The following SLC30A9 variants were observed in gnomAD, a reference collection of about 807,000 sequenced individuals.
The protein encoded by SLC30A9 is solute carrier family 30 member 9.
Under a neutral mutation model 87.5 loss-of-function variants are expected in SLC30A9, and 58 were observed. That is an observed-to-expected ratio of 0.66 (90% CI 0.54 to 0.82). SLC30A9 has a LOEUF of 0.82. Among genes scored for constraint, SLC30A9 ranks in the 40% least tolerant of loss-of-function variants. SLC30A9 has a pLI of 0.00. For missense variants in SLC30A9, 557 were observed against 679.1 expected, an observed-to-expected ratio of 0.82 and a Z score of 2.00; for synonymous variants, 234 against 233.0, an observed-to-expected ratio of 1.00 and a Z score of -0.04.
At position 42,001,710 on chromosome 4, in the gene SLC30A9, C is replaced by G. The variant is rs201852516; in HGVS notation, c.204C>G (p.Ser68=). The stretch of plus-strand genomic sequence containing the variant: ...CCCTGAGTCAAGTAAAGTTGTACTC[C>G]ACAAATGTTCAGAAAGAAGGACAGG... ...IGTLSQVKLY[S]TNVQKEGQGS... The change falls in exon 2 of 18, where the codon TCC becomes TCG. Residue 68 remains serine, a synonymous_variant. Transcript: ENST00000264451. 2.5e-3 allele frequency: 4,012 copies of G among 1,610,902 alleles called. 131 individuals are homozygous for G. The South Asian group carries it at 0.041, about 17-fold the overall frequency.
chr4:42,015,130 C>T (rs1471612895), intron 2 of SLC30A9, among the ~76,000 whole-genome samples: 2 of 152,124 alleles, frequency 1.3e-5, no homozygotes, highest in Admixed American at 1.3e-4. Flanking sequence ...ATGATTATTA[C>T]ACTTTGTATG....
In SLC30A9 at chr4:42,088,240, G is replaced by A. The variant is rs1488779766; in HGVS notation, c.*2114G>A. On this transcript the variant is annotated 3_prime_UTR_variant, in exon 18 of 18. Transcript: ENST00000264451. ...ATCAGGAAATTTTTCTAGAGTCACT[G>A]AATTTTCAAATCAGAGAATTTGGGC... The A allele has an allele frequency of 6.6e-6, 1 of 152,100 alleles. No homozygotes were observed. Among genetic ancestry groups the A allele is most frequent in the Admixed American group, 6.5e-5 (1 of 15,268 alleles). The allele number at this position is 152,100 out of a possible 1,614,324, so 9.4% of individuals were successfully genotyped here. A position where few individuals can be genotyped will look rare whatever the true frequency, so the allele number is the denominator to read the frequency against.
At chr4:42,057,494 A>C (rs9991690) in intron 9 of SLC30A9, among the ~76,000 whole-genome samples, 1 of 151,942 alleles carries the variant, frequency 6.6e-6, no homozygotes. Flanking sequence ...GCCCCTTTTA[A>C]TCACAGCTGG....
At position 41,990,705 on chromosome 4, in the gene SLC30A9, G is replaced by C. The variant is rs1172092751; in HGVS notation, c.54G>C (p.Leu18=). 1 of 1,612,342 alleles carries C rather than the reference G, an allele frequency of 6.2e-7. No homozygotes were observed. The highest frequency in any genetic ancestry group is 8.5e-7 in the Non-Finnish European group (1 of 1,179,446). ...CCCACAGATGTAGCTGGTCCTCCCT[G>C]TGCCGGCTCCGTCTGCGATGCAGGG... ...AAAHRCSWSS[L]CRLRLRCRAA... The change falls in exon 1 of 18, where the codon CTG becomes CTC. Residue 18 remains leucine (L), a synonymous_variant. Transcript: ENST00000264451.
Position 41,998,762 on chromosome 4 carries a change from G to A in SLC30A9, c.110-2854G>A, listed in dbSNP as rs569510710. On this transcript the variant is annotated intron_variant, in intron 1 of 17. Transcript: ENST00000264451. ...TACAGGCATGAGCCATGCACCCTGC[G>A]GAATTCAGTAATTCTTTAACCAGTG... Among the ~76,000 whole-genome samples the A allele has an allele frequency of 1.7e-4, 26 of 152,016 alleles. 1 individual carries two copies. Among genetic ancestry groups the A allele is most frequent in the African/African-American group, 5.8e-4 (24 of 41,498 alleles).
chr4:41,996,964 G>A (rs1481404252), intron 1 of SLC30A9, among the ~76,000 whole-genome samples: 2 of 152,012 alleles, frequency 1.3e-5, no homozygotes, highest in Non-Finnish European at 1.5e-5. Flanking sequence ...AACCCGGGAG[G>A]TAGAGGTTGC....
At chr4:42,038,393 G>A (rs774903019) in intron 7 of SLC30A9, among the ~76,000 whole-genome samples, 7 of 151,766 alleles carry the variant, frequency 4.6e-5, no homozygotes, top group Non-Finnish European at 7.4e-5. Context: ...ATTTTTCACC[G>A]TAAGCAGCAT....
intron 1 of SLC30A9, among the ~76,000 whole-genome samples, chr4:41,992,339 C>CA (rs1210017224): frequency 1.6e-3 from 179 of 115,208 alleles, no homozygotes; most frequent in African/African-American, 1.6e-3. Context: ...AGACCTGTCT[C>CA]AAAAAAAAAA....
chr4:41,994,829 A>G (rs1159440495), intron 1 of SLC30A9, among the ~76,000 whole-genome samples: 2 of 28,762 alleles, frequency 7.0e-5, no homozygotes, highest in Non-Finnish European at 5.5e-4. Flanking sequence ...TGTGGTCTCA[A>G]AAAAAAAAAA....
At chr4:42,041,941 G>A (rs550186381) in intron 8 of SLC30A9, among the ~76,000 whole-genome samples, 5 of 152,286 alleles carry the variant, frequency 3.3e-5, no homozygotes, top group Admixed American at 1.3e-4. Flanking sequence ...TTGCCTCACC[G>A]GGGTAGTGCA....
intron 8 of SLC30A9, among the ~76,000 whole-genome samples, chr4:42,048,963 ATTG>A (rs906569484): frequency 7.3e-5 from 11 of 151,362 alleles, no homozygotes; most frequent in East Asian, 3.9e-4. Context: ...TTTTTTTGTT[ATTG>A]TTGTTGTTGT....
At chr4:42,031,916 A>T (rs1440856653) in intron 6 of SLC30A9, among the ~76,000 whole-genome samples, 13 of 152,208 alleles carry the variant, frequency 8.5e-5, no homozygotes, top group Non-Finnish European at 1.9e-4. Context: ...TATTGCTATA[A>T]AGAAATACCT....
intron 8 of SLC30A9, among the ~76,000 whole-genome samples, chr4:42,039,565 C>A (rs1267669961): frequency 2.0e-5 from 3 of 151,688 alleles, no homozygotes; most frequent in Non-Finnish European, 4.4e-5. Flanking sequence ...CGGGTTCAAG[C>A]CATTCTCCTG....
At chr4:42,011,657 C>A (rs1715451833) in intron 2 of SLC30A9, among the ~76,000 whole-genome samples, 1 of 152,084 alleles carries the variant, frequency 6.6e-6, no homozygotes, top group Non-Finnish European at 1.5e-5. Flanking sequence ...CTACGAAAGC[C>A]AATAGAATCA....
intron 2 of SLC30A9, among the ~76,000 whole-genome samples, chr4:42,011,678 A>AT (rs1447945599): frequency 1.3e-5 from 2 of 152,230 alleles, no homozygotes. Context: ...ATAAATGTGA[A>AT]TTAATTCCAG....
At chr4:42,005,591 C>T (rs1034038710) in intron 2 of SLC30A9, among the ~76,000 whole-genome samples, 1 of 152,126 alleles carries the variant, frequency 6.6e-6, no homozygotes, top group Non-Finnish European at 1.5e-5. Context: ...CTTCCATGCC[C>T]GTTGTAGCTC....
rs1235764180 is a variant in SLC30A9 at position 42,044,317 on chromosome 4, C to A, written c.738-5060C>A. On this transcript the variant is annotated intron_variant, in intron 8 of 17. Coordinates refer to ENST00000264451, the MANE Select transcript of SLC30A9 (RefSeq NM_006345.4). Reference sequence around the variant, plus strand: ...GGTGTGCTGCATGCAGGAGACCCATCTGACGTGCAAAGACACACATAGGCT... The same window carrying A: ...GGTGTGCTGCATGCAGGAGACCCATATGACGTGCAAAGACACACATAGGCT... Among the ~76,000 whole-genome samples the A allele has an allele frequency of 2.1e-5, 3 of 146,288 alleles. 1 individual carries two copies. The highest frequency in any genetic ancestry group is 7.8e-5 in the African/African-American group (3 of 38,604).
At chr4:41,998,758 C>T (rs143993499) in intron 1 of SLC30A9, among the ~76,000 whole-genome samples, 5 of 152,298 alleles carry the variant, frequency 3.3e-5, no homozygotes, top group African/African-American at 1.2e-4. Flanking sequence ...GCCATGCACC[C>T]TGCGGAATTC....
chr4:42,078,368 A>G lies in SLC30A9; in HGVS notation c.1662+43A>G, dbSNP rs780549010. 2.2e-5 allele frequency: 23 copies of G among 1,061,142 alleles called. No homozygotes were observed. The African/African-American group carries it at 3.7e-4, about 17-fold the overall frequency. The allele number at this position is 1,061,142 out of a possible 1,614,324, so 65.7% of individuals were successfully genotyped here. On this transcript the variant is annotated intron_variant, in intron 17 of 17. Transcript: ENST00000264451. ...AAATAACATAATGATAATGGCAGCT[A>G]TTTTTTTGAGTACTTACTCTACAGC...
Sources: gnomAD v4.1 joint callset for allele counts (sites outside exome capture counted in the v4.1 genomes callset) on GRCh38, gnomAD v4.1.1 for gene constraint, MANE v1.5 for transcripts, NCBI Gene and HGNC (gene_info 2026-07-23, HGNC 2026-07-21) for gene names.